The following SCHIP1 variants were observed in gnomAD, a reference collection of about 807,000 sequenced individuals.
The protein encoded by SCHIP1 is schwannomin interacting protein 1, also known as schwannomin-interacting protein 1.
In SCHIP1, 8 loss-of-function variants were observed where a neutral mutation model predicts 29.7. The ratio of observed to expected loss-of-function variants is 0.27; its 90% confidence interval spans 0.16 to 0.49. SCHIP1 has a LOEUF of 0.49. Among genes scored for constraint, SCHIP1 ranks in the 20% least tolerant of loss-of-function variants. SCHIP1 has a pLI of 0.99. For synonymous variants in SCHIP1, 76 were observed against 94.9 expected (o/e 0.80, Z 1.16); for missense variants, 193 against 294.6 (o/e 0.66, Z 2.52).
At chr3:159,506,025 G>C in the SCHIP1 span, among the ~76,000 whole-genome samples, 1 of 152,194 alleles carries the variant, frequency 6.6e-6, no homozygotes. Flanking sequence ...TCTAGTTCTA[G>C]ATCCCTGAGG....
the SCHIP1 span, among the ~76,000 whole-genome samples, chr3:159,678,114 TC>T: frequency 6.6e-6 from 1 of 152,250 alleles, no homozygotes; most frequent in Non-Finnish European, 1.5e-5. Context: ...ATAAATCTTA[TC>T]TGTCTGTTGT....
At chr3:159,792,962 T>C in the SCHIP1 span, among the ~76,000 whole-genome samples, 3 of 152,308 alleles carry the variant, frequency 2.0e-5, no homozygotes, top group East Asian at 5.8e-4. Context: ...TCTGCTTGTT[T>C]TCATTGTGTG....
chr3:159,624,105 AT>A, the SCHIP1 span, among the ~76,000 whole-genome samples: 1 of 152,232 alleles, frequency 6.6e-6, no homozygotes, highest in African/African-American at 2.4e-5. Flanking sequence ...AATTAAAAAA[AT>A]ATATAATGGT....
At chr3:159,895,579 C>T (rs551699503) in intron 6 of SCHIP1, among the ~76,000 whole-genome samples, 2 of 152,270 alleles carry the variant, frequency 1.3e-5, no homozygotes, top group East Asian at 3.9e-4. Context: ...ACAGCTTGGC[C>T]ACACTCCTCC....
chr3:159,578,172 CA>C, the SCHIP1 span, among the ~76,000 whole-genome samples: 1 of 152,046 alleles, frequency 6.6e-6, no homozygotes, highest in African/African-American at 2.4e-5. Context: ...AAGACTCAGG[CA>C]AAATGGGTTA....
chr3:159,352,906 G>A, the SCHIP1 span, among the ~76,000 whole-genome samples: 1 of 152,064 alleles, frequency 6.6e-6, no homozygotes. Context: ...AACATGGTGA[G>A]TAAACAATAA....
the SCHIP1 span, among the ~76,000 whole-genome samples, chr3:159,714,496 T>C: frequency 6.6e-6 from 1 of 152,170 alleles, no homozygotes; most frequent in South Asian, 2.1e-4. Flanking sequence ...CTTTCGTAGC[T>C]AAGGGAAGCC....
exon 4 of SCHIP1, chr3:159,887,801 T>C: frequency 1.2e-6 from 2 of 1,613,978 alleles, no homozygotes; most frequent in Non-Finnish European, 1.7e-6. Flanking sequence ...GCAAAAGAAA[T>C]TGCAAGCTGA....
the SCHIP1 span, among the ~76,000 whole-genome samples, chr3:159,627,862 T>C: frequency 6.6e-6 from 1 of 152,260 alleles, no homozygotes; most frequent in Admixed American, 6.5e-5. Context: ...TGCTGACTCT[T>C]ACGTGGTTTT....
At chr3:159,749,683 T>C in the SCHIP1 span, among the ~76,000 whole-genome samples, 5 of 152,332 alleles carry the variant, frequency 3.3e-5, no homozygotes, top group East Asian at 5.8e-4. Flanking sequence ...TCACAAGTCA[T>C]AGAGGCTCCG....
the SCHIP1 span, among the ~76,000 whole-genome samples, chr3:159,734,437 G>C: frequency 6.6e-6 from 1 of 151,920 alleles, no homozygotes; most frequent in African/African-American, 2.4e-5. Context: ...ACAGTGCCCA[G>C]CCCATACTGT....
chr3:159,367,814 A>G, the SCHIP1 span, among the ~76,000 whole-genome samples: 42 of 152,320 alleles, frequency 2.8e-4, no homozygotes, highest in South Asian at 6.2e-3. Flanking sequence ...GCAAGAAGTA[A>G]TAATTATTCA....
the SCHIP1 span, among the ~76,000 whole-genome samples, chr3:159,395,845 A>G: frequency 5.9e-5 from 9 of 151,926 alleles, no homozygotes; most frequent in Admixed American, 2.0e-4. Context: ...TCCGCTTGGT[A>G]CAGAGCTGAG....
At chr3:159,505,067 C>G in the SCHIP1 span, among the ~76,000 whole-genome samples, 488 of 152,244 alleles carry the variant, frequency 3.2e-3, 4 homozygotes, top group African/African-American at 0.011. Flanking sequence ...CAGAAGAGAG[C>G]AAGGTGCGTT....
At chr3:159,755,216 C>A in the SCHIP1 span, among the ~76,000 whole-genome samples, 1 of 152,074 alleles carries the variant, frequency 6.6e-6, no homozygotes, top group Non-Finnish European at 1.5e-5. Flanking sequence ...GCCTGGGCAA[C>A]AGAGCAAGAC....
At chr3:159,501,261 A>T in the SCHIP1 span, among the ~76,000 whole-genome samples, 1 of 152,218 alleles carries the variant, frequency 6.6e-6, no homozygotes, top group African/African-American at 2.4e-5. Context: ...AGTTGAGGAC[A>T]TTTATTTCCT....
At chr3:159,740,761 C>CA in the SCHIP1 span, among the ~76,000 whole-genome samples, 23 of 14,288 alleles carry the variant, frequency 1.6e-3, no homozygotes, top group Non-Finnish European at 2.2e-3. Context: ...ATTGTATATT[C>CA]AAAAAAAAAG....
the SCHIP1 span, among the ~76,000 whole-genome samples, chr3:159,723,718 T>C: frequency 4.5e-4 from 69 of 152,308 alleles, 1 homozygote; most frequent in East Asian, 0.012. Flanking sequence ...AAACAGCTGC[T>C]AGGATGAGGC....
chr3:159,284,988 AT>A, the SCHIP1 span, among the ~76,000 whole-genome samples: 37 of 152,040 alleles, frequency 2.4e-4, no homozygotes, highest in Admixed American at 2.1e-3. Context: ...GTAATTACAT[AT>A]TTTTTCCTAT....
Sources: gnomAD v4.1 joint callset for allele counts (sites outside exome capture counted in the v4.1 genomes callset) on GRCh38, gnomAD v4.1.1 for gene constraint, MANE v1.5 for transcripts, NCBI Gene and HGNC (gene_info 2026-07-23, HGNC 2026-07-21) for gene names.